ZNF773: variants seen among roughly 807,000 people sequenced by gnomAD.
The protein encoded by ZNF773 is zinc finger protein 773, also known as zinc finger protein 419B.
Under a neutral mutation model 12.8 loss-of-function variants are expected in ZNF773, and 11 were observed. The observed-to-expected ratio is 0.86, with a 90% CI of 0.54 to 1.42. The LOEUF (loss-of-function observed/expected upper bound fraction) is 1.42. Ranked by LOEUF, ZNF773 falls within the 40% of genes most tolerant of loss-of-function variation. The pLI is 0.00. For synonymous variants in ZNF773, 175 were observed against 178.4 expected, an observed-to-expected ratio of 0.98 and a Z score of 0.15; for missense variants, 518 against 527.2, an observed-to-expected ratio of 0.98 and a Z score of 0.17.
intron 1 of ZNF773, among the ~76,000 whole-genome samples, chr19:57,501,810 A>G (rs1280861131): frequency 6.6e-6 from 1 of 151,402 alleles, no homozygotes; most frequent in Non-Finnish European, 1.5e-5. Context: ...ACCCTCCTCA[A>G]CTCCTACCTA....
In ZNF773 at chr19:57,507,330, C is replaced by T; in HGVS notation, c.1235C>T (p.Ala412Val). The change falls in exon 4 of 4, where the codon GCA (alanine) becomes GTA (valine). Residue 412 changes from alanine (A) to valine (V), a missense_variant. Physicochemically the swap from Ala to Val is moderately conservative, Grantham distance 64. Coordinates refer to ENST00000282292, the MANE Select transcript of ZNF773 (RefSeq NM_198542.3). Reference sequence around the variant, plus strand: ...AAACATCAGAGGGTTCACACTGGAGCAAAGCCTTATGAGTGCAGGGAATGT... The same window carrying T: ...AAACATCAGAGGGTTCACACTGGAGTAAAGCCTTATGAGTGCAGGGAATGT... The part of the protein sequence containing the change: ...LVKHQRVHTG[A>V]KPYECRECGK... 6.2e-7 allele frequency: 1 copy of T among 1,613,940 alleles called. No homozygotes were observed. The highest frequency in any genetic ancestry group is 8.5e-7 in the Non-Finnish European group (1 of 1,179,984).
At chr19:57,500,155 C>T (rs1205489219) in intron 1 of ZNF773, 42 bp downstream of exon 1, 1 of 1,573,750 alleles carries the variant, frequency 6.4e-7, no homozygotes, top group Non-Finnish European at 8.6e-7. Flanking sequence ...ATCCTAAAGC[C>T]CTGTGAGGGC....
downstream of ZNF773, chr19:57,516,147 C>T (rs2089830750): frequency 6.4e-6 from 1 of 155,320 alleles, no homozygotes; most frequent in South Asian, 1.8e-4. Context: ...GGGCCCAGCT[C>T]CTCCAGTACG....
Position 57,503,535 on chromosome 19 carries a change from C to T in ZNF773, c.34-1122C>T, listed in dbSNP as rs576688791. 8.5e-5 allele frequency among the ~76,000 whole-genome samples: 13 copies of T among 152,272 alleles called. No individual in the cohort carries two copies. In the South Asian group the frequency reaches 2.7e-3, roughly 32 times the overall value. On this transcript the variant is annotated intron_variant, in intron 1 of 3. Coordinates refer to ENST00000282292, the MANE Select transcript of ZNF773 (RefSeq NM_198542.3). The stretch of plus-strand genomic sequence containing the variant: ...CAGGCACTGCTGCTTATTCATCCAA[C>T]TGTGGGATCACAAGGCTTTTGTTTT...
intron 1 of ZNF773, among the ~76,000 whole-genome samples, chr19:57,501,892 C>T (rs1255485636): frequency 6.6e-6 from 1 of 152,162 alleles, no homozygotes; most frequent in Non-Finnish European, 1.5e-5. Context: ...TTTGAGTTCC[C>T]TGCAAAATGG....
At chr19:57,518,250 C>G (rs1041799057) in exon 5 of ZNF773, 1 of 152,132 alleles carries the variant, frequency 6.6e-6, no homozygotes. Context: ...TTGTGGTTAT[C>G]TATAGGAACA....
At chr19:57,511,056 T>A (rs200384773), downstream of ZNF773, among the ~76,000 whole-genome samples, 96 of 32,508 alleles carry the variant, frequency 3.0e-3, no homozygotes, top group African/African-American at 0.01. Context: ...ATTTTATTTA[T>A]TTTTTTTTTT....
rs201410139 is a variant in ZNF773, at chr19:57,504,787, G to A, written c.163+1G>A. Reference sequence around the variant, plus strand: ...AACTTTACACTTCTGGCCTCTCTGGGTAAGGTTCTCACACCCCACCCCAGC... The same window carrying A: ...AACTTTACACTTCTGGCCTCTCTGGATAAGGTTCTCACACCCCACCCCAGC... On this transcript the variant is annotated splice_donor_variant, in intron 2 of 3. Coordinates refer to ENST00000282292, the MANE Select transcript of ZNF773 (RefSeq NM_198542.3). LOFTEE classifies it high-confidence loss of function. 3.5e-5 allele frequency: 57 copies of A among 1,612,668 alleles called. No homozygotes were observed. Among genetic ancestry groups the A allele is most frequent in the Middle Eastern group, 1.6e-4 (1 of 6,080 alleles).
intron 1 of ZNF773, 61 bp downstream of exon 1, chr19:57,500,174 C>T (rs2089653071): frequency 1.9e-6 from 3 of 1,545,138 alleles, no homozygotes; most frequent in Admixed American, 1.9e-5. Flanking sequence ...GCCGCCTGCT[C>T]AGGTCCCCGG....
Position 57,506,824 on chromosome 19 carries a change from A to C in ZNF773, c.729A>C (p.Gly243=). The change falls in exon 4 of 4, where the codon GGA becomes GGC. Residue 243 remains glycine, a synonymous_variant. Transcript: ENST00000282292. ...NLFIHQIVHT[G]ERPYGCSDCG... ...TTATACACCAAATAGTTCACACTGG[A>C]GAAAGGCCTTATGGGTGTAGTGACT... 6.2e-6 allele frequency: 10 copies of C among 1,614,248 alleles called. No individual in the cohort carries two copies. The highest frequency in any genetic ancestry group is 7.6e-6 in the Non-Finnish European group (9 of 1,180,044).
At chr19:57,505,427 G>T (rs2089718776) in intron 3 of ZNF773, 27 bp downstream of exon 3, 2 of 1,612,940 alleles carry the variant, frequency 1.2e-6, no homozygotes, top group Non-Finnish European at 1.7e-6. Context: ...GCTCAGGGAG[G>T]TATGAACTCG....
At chr19:57,505,659 G>A (rs1327828310) in intron 3 of ZNF773, among the ~76,000 whole-genome samples, 3 of 151,860 alleles carry the variant, frequency 2.0e-5, no homozygotes, top group Non-Finnish European at 4.4e-5. Flanking sequence ...GTGTGGTGAG[G>A]TGGGGCGCTT....
chr19:57,507,550 A>G lies in ZNF773; in HGVS notation c.*126A>G. 1 of 1,455,142 alleles carries G rather than the reference A, an allele frequency of 6.9e-7. No individual in the cohort carries two copies. Among genetic ancestry groups the G allele is most frequent in the Non-Finnish European group, 9.0e-7 (1 of 1,110,578 alleles). 90.1% of individuals were successfully genotyped at this position (1,455,142 alleles called of 1,614,324 possible). On this transcript the variant is annotated 3_prime_UTR_variant, in exon 4 of 4. Coordinates refer to ENST00000282292, the MANE Select transcript of ZNF773 (RefSeq NM_198542.3). ...TACCTCCAAACTCATTCAACACTGG[A>G]CAGTTCACAGAGTGGACAATGTAGT...
At chr19:57,504,089 A>T (rs2089699370) in intron 1 of ZNF773, among the ~76,000 whole-genome samples, 1 of 152,230 alleles carries the variant, frequency 6.6e-6, no homozygotes, top group Non-Finnish European at 1.5e-5. Flanking sequence ...GTGAAGCAAC[A>T]AAAAGAGCCC....
intron 3 of ZNF773, among the ~76,000 whole-genome samples, chr19:57,505,695 A>G (rs1370159015): frequency 1.4e-5 from 2 of 144,956 alleles, no homozygotes; most frequent in African/African-American, 5.1e-5. Flanking sequence ...TTGGACACCA[A>G]CTATTTCATT....
At chr19:57,514,418 T>C (rs2089819260), downstream of ZNF773, 2 of 152,218 alleles carry the variant, frequency 1.3e-5, no homozygotes, top group African/African-American at 4.8e-5. Flanking sequence ...TCCAAGGAGA[T>C]TCTTCATTAG....
chr19:57,503,514 C>A (rs1346051398), intron 1 of ZNF773, among the ~76,000 whole-genome samples: 2 of 152,144 alleles, frequency 1.3e-5, no homozygotes, highest in African/African-American at 4.8e-5. Context: ...GGAAGGCAGG[C>A]ACTGCTGCTT....
chr19:57,516,006 C>G (rs137934558), downstream of ZNF773: 3 of 152,882 alleles, frequency 2.0e-5, no homozygotes, highest in East Asian at 5.8e-4. Flanking sequence ...TGGAAAGGCC[C>G]GGTAGACTTA....
intron 1 of ZNF773, among the ~76,000 whole-genome samples, 174 bp from the exon 2 acceptor site, chr19:57,504,483 C>T (rs1422294845): frequency 1.3e-5 from 2 of 152,012 alleles, no homozygotes; most frequent in Non-Finnish European, 2.9e-5. Context: ...TGCCTACCTG[C>T]CTCTGCTTGC....
Sources: allele counts gnomAD v4.1 joint callset (sites outside exome capture counted in the v4.1 genomes callset), GRCh38; gene constraint gnomAD v4.1.1; transcripts MANE v1.5; gene names NCBI Gene and HGNC (gene_info 2026-07-23, HGNC 2026-07-21).